The following MEMO1 variants were observed in gnomAD, a reference collection of about 807,000 sequenced individuals.
The protein encoded by MEMO1 is mediator of cell motility 1.
In MEMO1, 6 loss-of-function variants were observed where a neutral mutation model predicts 45.2. That is an observed-to-expected ratio of 0.13 (90% CI 0.07 to 0.26). The LOEUF (loss-of-function observed/expected upper bound fraction) is 0.26. MEMO1 is among the 10% of genes least tolerant of loss of function. The pLI, the probability that MEMO1 is intolerant of heterozygous loss-of-function variation, is 1.00. For synonymous variants in MEMO1, 78 were observed against 124.3 expected, an observed-to-expected ratio of 0.63 and a Z score of 2.48; for missense variants, 184 against 370.5, an observed-to-expected ratio of 0.50 and a Z score of 4.13.
intron 2 of MEMO1, among the ~76,000 whole-genome samples, chr2:31,966,950 T>C (rs895759213): frequency 1.3e-5 from 2 of 152,096 alleles, no homozygotes; most frequent in Admixed American, 6.6e-5. Flanking sequence ...TTTTATAATT[T>C]AAAAAAGCTT....
Position 31,979,258 on chromosome 2 carries a change from T to C in MEMO1, c.61+30929A>G, listed in dbSNP as rs548282846. 1.5e-4 allele frequency among the ~76,000 whole-genome samples: 23 copies of C among 152,294 alleles called. No homozygotes were observed. In the East Asian group the frequency reaches 4.4e-3, roughly 29 times the overall value. ...ATCCAATCACCTCCCACCAGGTCTCTCCCTCAACGCCTGGGGATTACAATT... is the reference window on the plus strand; with the variant it reads ...ATCCAATCACCTCCCACCAGGTCTCCCCCTCAACGCCTGGGGATTACAATT... On this transcript the variant is annotated intron_variant, in intron 2 of 9. Coordinates refer to ENST00000404530, the MANE Select transcript of MEMO1 (RefSeq NM_001301833.4).
chr2:31,926,859 A>T (rs1683191918), intron 4 of MEMO1, among the ~76,000 whole-genome samples: 1 of 150,950 alleles, frequency 6.6e-6, no homozygotes, highest in African/African-American at 2.4e-5. Context: ...AAAAAAAAGA[A>T]AAATAAACAA....
intron 7 of MEMO1, among the ~76,000 whole-genome samples, chr2:31,890,113 G>A (rs1676746385): frequency 6.6e-6 from 1 of 152,046 alleles, no homozygotes; most frequent in South Asian, 2.1e-4. Context: ...GGTTACTTTA[G>A]AATTCTTTAT....
chr2:31,977,016 G>C (rs1670079595), intron 2 of MEMO1, among the ~76,000 whole-genome samples: 1 of 151,992 alleles, frequency 6.6e-6, no homozygotes, highest in Non-Finnish European at 1.5e-5. Context: ...ATAAAACAAG[G>C]TAGGATATAT....
intron 7 of MEMO1, among the ~76,000 whole-genome samples, chr2:31,889,094 T>C (rs992284043): frequency 2.0e-5 from 3 of 152,146 alleles, no homozygotes; most frequent in African/African-American, 7.2e-5. Context: ...GGAATATCTC[T>C]ATCACCAAGG....
chr2:31,922,163 G>A (rs1249316423), intron 4 of MEMO1, among the ~76,000 whole-genome samples: 2 of 152,100 alleles, frequency 1.3e-5, no homozygotes, highest in African/African-American at 4.8e-5. Flanking sequence ...AACAAAAGCT[G>A]AGAGATGAGC....
chr2:31,889,659 T>C (rs1676677278), intron 7 of MEMO1, among the ~76,000 whole-genome samples: 1 of 152,088 alleles, frequency 6.6e-6, no homozygotes, highest in South Asian at 2.1e-4. Flanking sequence ...ATTACTGTGG[T>C]AGTGAAAAGA....
At chr2:31,964,966 C>A (rs1368651181) in intron 2 of MEMO1, among the ~76,000 whole-genome samples, 1 of 151,706 alleles carries the variant, frequency 6.6e-6, no homozygotes, top group Admixed American at 6.6e-5. Flanking sequence ...GTAATCCCAA[C>A]ACATTGGGAG....
At chr2:31,972,156 T>A (rs1669488581) in intron 2 of MEMO1, among the ~76,000 whole-genome samples, 1 of 152,154 alleles carries the variant, frequency 6.6e-6, no homozygotes. Context: ...TTTCTATAAC[T>A]GATGTAGCAG....
chr2:32,002,232 TATATAC>T (rs1019959876), intron 2 of MEMO1, among the ~76,000 whole-genome samples: 6 of 146,810 alleles, frequency 4.1e-5, no homozygotes, highest in Admixed American at 6.9e-5. Context: ...TATATGTGTA[TATATAC>T]ATATACATAT....
chr2:31,920,183 A>T (rs1682091718), intron 5 of MEMO1, among the ~76,000 whole-genome samples: 1 of 152,030 alleles, frequency 6.6e-6, no homozygotes, highest in African/African-American at 2.4e-5. Flanking sequence ...AAAAGAAAAA[A>T]TACCTTTATA....
At chr2:31,956,490 TCA>T (rs1313997983) in intron 2 of MEMO1, among the ~76,000 whole-genome samples, 4 of 152,222 alleles carry the variant, frequency 2.6e-5, no homozygotes, top group Non-Finnish European at 5.9e-5. Context: ...GAGCTTTCAC[TCA>T]CAGTTTGATC....
At chr2:31,880,688 T>A (rs888088700) in intron 8 of MEMO1, among the ~76,000 whole-genome samples, 2 of 152,114 alleles carry the variant, frequency 1.3e-5, no homozygotes, top group African/African-American at 4.8e-5. Flanking sequence ...GATAAGGAAA[T>A]GAAAACTAGA....
At chr2:31,886,759 G>A (rs769846617) in intron 7 of MEMO1, among the ~76,000 whole-genome samples, 11 of 152,132 alleles carry the variant, frequency 7.2e-5, no homozygotes, top group South Asian at 4.1e-4. Context: ...TGAATAAAGC[G>A]TATCACATAG....
At chr2:31,986,748 T>C (rs917984964) in intron 2 of MEMO1, among the ~76,000 whole-genome samples, 1 of 152,104 alleles carries the variant, frequency 6.6e-6, no homozygotes, top group South Asian at 2.1e-4. Context: ...CAAATTGTGA[T>C]AAACACTATA....
At chr2:31,920,678 C>T (rs1439610699) in intron 5 of MEMO1, 120 bp downstream of exon 5, 3 of 510,700 alleles carry the variant, frequency 5.9e-6, no homozygotes, top group Non-Finnish European at 9.4e-6. Flanking sequence ...TTAGTTATAA[C>T]AATTTTTATT....
At chr2:31,947,364 A>C (rs1458096462) in intron 2 of MEMO1, among the ~76,000 whole-genome samples, 1 of 152,166 alleles carries the variant, frequency 6.6e-6, no homozygotes, top group Non-Finnish European at 1.5e-5. Context: ...AATTAAGCAT[A>C]CCTATTTATT....
intron 2 of MEMO1, among the ~76,000 whole-genome samples, chr2:31,971,197 T>C (rs1445319966): frequency 2.0e-5 from 3 of 152,192 alleles, no homozygotes; most frequent in African/African-American, 7.2e-5. Flanking sequence ...TTGTAGGCCC[T>C]CTTTCTTAGG....
At chr2:31,961,073 G>A (rs1157835417) in intron 2 of MEMO1, among the ~76,000 whole-genome samples, 1 of 152,188 alleles carries the variant, frequency 6.6e-6, no homozygotes, top group Non-Finnish European at 1.5e-5. Flanking sequence ...AAGGAGGCAA[G>A]AGGCCAGGTG....
Sources: gnomAD v4.1 joint callset for allele counts (sites outside exome capture counted in the v4.1 genomes callset) on GRCh38, gnomAD v4.1.1 for gene constraint, MANE v1.5 for transcripts, NCBI Gene and HGNC (gene_info 2026-07-23, HGNC 2026-07-21) for gene names.